The following CYP51A1 variants were observed in gnomAD, a reference collection of about 807,000 sequenced individuals.
CYP51A1 encodes the protein cytochrome P450 family 51 subfamily A member 1.
In CYP51A1, 45 loss-of-function variants were observed where a neutral mutation model predicts 53.5. The observed-to-expected ratio is 0.84, with a 90% CI of 0.66 to 1.08. The LOEUF is 1.08. CYP51A1 is among the 50% of genes least tolerant of loss of function. The pLI, the probability that CYP51A1 is intolerant of heterozygous loss-of-function variation, is 0.00. For missense variants in CYP51A1, 462 were observed against 621.7 expected, an observed-to-expected ratio of 0.74 and a Z score of 2.73; for synonymous variants, 181 against 217.7, an observed-to-expected ratio of 0.83 and a Z score of 1.48.
Position 92,131,820 on chromosome 7 carries a change from G to C in CYP51A1, c.245C>G (p.Ala82Gly). ...SPIPFLGHAI[A>G]FGKSPIEFLE... ...AAATTCAATTGGACTTTTCCCAAAT[G>C]CTATGGCATGCCCAAGGAATGGAAT... Residue 82 changes from alanine (A) to glycine (G), a missense_variant, in exon 2 of 10, where the codon GCA becomes GGA. By Grantham distance (60) the Ala-to-Gly change is moderately conservative. Transcript: ENST00000003100. 6.3e-7 allele frequency: 1 copy of C among 1,588,966 alleles called. No individual in the cohort carries two copies. The highest frequency in any genetic ancestry group is 8.6e-7 in the Non-Finnish European group (1 of 1,163,534).
At chr7:92,133,937 C>G (rs1440404397) in intron 1 of CYP51A1, among the ~76,000 whole-genome samples, 2 of 152,216 alleles carry the variant, frequency 1.3e-5, no homozygotes, top group Non-Finnish European at 1.5e-5. Context: ...GCACCGCCCC[C>G]CAACACAAGG....
rs145599211 is a variant in CYP51A1 at position 92,117,095 on chromosome 7, G to A, written c.1300C>T (p.Gln434Ter). ...TTTTCCCCTGATGCTGGGTTATCCT[G>A]TAAGTAGCGATCAGGATTAAAGTCC... is the stretch of plus-strand genomic sequence containing the variant. ...RLDFNPDRYL[Q>*]DNPASGEKFA... The change falls in exon 9 of 10, where the codon CAG becomes TAG. Residue 434 changes from glutamine (Q) to a stop codon, truncating the protein, a stop_gained. Coordinates refer to ENST00000003100, the MANE Select transcript of CYP51A1 (RefSeq NM_000786.4). LOFTEE classifies it high-confidence loss of function. The A allele has an allele frequency of 6.8e-6, 11 of 1,613,840 alleles. No homozygotes were observed. The highest frequency in any genetic ancestry group is 4.0e-5 in the African/African-American group (3 of 74,890).
At position 92,134,236 on chromosome 7, in the gene CYP51A1, G is replaced by A; in HGVS notation, c.129C>T (p.Thr43=). ...GACGGATCAGGTAGACCAGGCTGAGGGTGAAGGCGCAGGCGATCAGCAGCA... is the reference window on the plus strand; with the variant it reads ...GACGGATCAGGTAGACCAGGCTGAGAGTGAAGGCGCAGGCGATCAGCAGCA... ...LSMLLIACAF[T]LSLVYLIRLA... The change falls in exon 1 of 10, where the codon ACC becomes ACT. Residue 43 remains threonine, a synonymous_variant. Coordinates refer to ENST00000003100, the MANE Select transcript of CYP51A1 (RefSeq NM_000786.4). 1.9e-6 allele frequency: 3 copies of A among 1,613,460 alleles called. No homozygotes were observed. The highest frequency in any genetic ancestry group is 2.5e-6 in the Non-Finnish European group (3 of 1,179,758).
chr7:92,123,216 G>A lies in CYP51A1; in HGVS notation c.990C>T (p.Gly330=), dbSNP rs778279810. The change falls in exon 7 of 10, where the codon GGC becomes GGT. Residue 330 remains glycine, a synonymous_variant. Coordinates refer to ENST00000003100, the MANE Select transcript of CYP51A1 (RefSeq NM_000786.4). Reference sequence around the variant, plus strand: ...GTGTTTTGTCTCTGGCCAAAAAGAAGCCCATCCAAGCACTAGTAGTTGAGG... The same window carrying A: ...GTGTTTTGTCTCTGGCCAAAAAGAAACCCATCCAAGCACTAGTAGTTGAGG... ...HTSSTTSAWM[G]FFLARDKTLQ... 28 of 1,613,758 alleles carry A rather than the reference G, an allele frequency of 1.7e-5. 1 individual carries two copies. The highest frequency in any genetic ancestry group is 2.4e-5 in the Non-Finnish European group (28 of 1,179,850).
intron 2 of CYP51A1, among the ~76,000 whole-genome samples, chr7:92,131,573 C>A (rs147073608): frequency 2.0e-4 from 30 of 152,282 alleles, no homozygotes; most frequent in African/African-American, 7.2e-4. Context: ...AAGACGACCC[C>A]AGGACATGGG....
intron 9 of CYP51A1, among the ~76,000 whole-genome samples, chr7:92,115,051 C>G (rs1819556600): frequency 6.6e-6 from 1 of 152,106 alleles, no homozygotes; most frequent in Admixed American, 6.5e-5. Flanking sequence ...TTAATCGCAA[C>G]AAGCAAGAAG....
Position 92,131,837 on chromosome 7 carries a change from G to GA in CYP51A1, c.227dup (p.Leu77ProfsTer13), listed in dbSNP as rs1563182439. 1 of 1,599,514 alleles carries GA rather than the reference G, an allele frequency of 6.3e-7. No individual in the cohort carries two copies. The highest frequency in any genetic ancestry group is 8.6e-7 in the Non-Finnish European group (1 of 1,169,108). On this transcript the variant is annotated frameshift_variant, in exon 2 of 10. Transcript: ENST00000003100. LOFTEE classifies it high-confidence loss of function. Reference sequence around the variant, plus strand: ...TCCCAAATGCTATGGCATGCCCAAGGAATGGAATTGGGGAGAAAATGTATG... The same window carrying GA: ...TCCCAAATGCTATGGCATGCCCAAGGAAATGGAATTGGGGAGAAAATGTATG...
At chr7:92,128,630 G>C (rs1230766625) in intron 3 of CYP51A1, among the ~76,000 whole-genome samples, 1 of 151,834 alleles carries the variant, frequency 6.6e-6, no homozygotes, top group East Asian at 1.9e-4. Context: ...ATTTACAGGT[G>C]TGCACCACCA....
At chr7:92,116,433 T>C (rs961046891) in intron 9 of CYP51A1, among the ~76,000 whole-genome samples, 2 of 152,212 alleles carry the variant, frequency 1.3e-5, no homozygotes, top group Non-Finnish European at 2.9e-5. Context: ...ATGATCCCTT[T>C]GGAAAGACTA....
In CYP51A1 at chr7:92,128,884, T is replaced by C. The variant is rs1396756852; in HGVS notation, c.464A>G (p.Asn155Ser). The stretch of plus-strand genomic sequence containing the variant: ...TATGGTAACAGTGTCACCTACTGGA[T>C]TAGGCACATCGTATGCAACTCCCTT... ...FGKGVAYDVP[N>S]PVFLEQKKML... Residue 155 changes from asparagine to serine, a missense_variant, in exon 3 of 10, where the codon AAT becomes AGT. Asn to Ser is a conservative substitution (Grantham distance 46). Coordinates refer to ENST00000003100, the MANE Select transcript of CYP51A1 (RefSeq NM_000786.4). The C allele has an allele frequency of 6.2e-7, 1 of 1,611,018 alleles. No homozygotes were observed. The highest frequency in any genetic ancestry group is 1.7e-5 in the Admixed American group (1 of 59,884).
rs140118347 is a variant in CYP51A1 at position 92,123,206 on chromosome 7, C to A, written c.1000G>T (p.Ala334Ser). 9.3e-6 allele frequency: 15 copies of A among 1,613,744 alleles called. No homozygotes were observed. Among genetic ancestry groups the A allele is most frequent in the Non-Finnish European group, 1.3e-5 (15 of 1,179,886 alleles). Residue 334 changes from alanine (A) to serine (S), a missense_variant, in exon 7 of 10, where the codon GCC becomes TCC. Coordinates refer to ENST00000003100, the MANE Select transcript of CYP51A1 (RefSeq NM_000786.4). ...TTSAWMGFFL[A>S]RDKTLQKKCY... The stretch of plus-strand genomic sequence containing the variant: ...TTTTTTTGAAGTGTTTTGTCTCTGG[C>A]CAAAAAGAAGCCCATCCAAGCACTA...
intron 3 of CYP51A1, among the ~76,000 whole-genome samples, chr7:92,128,022 T>C (rs1034400385): frequency 1.3e-5 from 2 of 152,214 alleles, no homozygotes; most frequent in Non-Finnish European, 2.9e-5. Context: ...GTGTTCTATA[T>C]CAACTTAAAA....
chr7:92,123,799 C>A lies in CYP51A1; in HGVS notation c.825G>T (p.Gln275His). 1 of 1,609,660 alleles carries A rather than the reference C, an allele frequency of 6.2e-7. No individual in the cohort carries two copies. The highest frequency in any genetic ancestry group is 8.5e-7 in the Non-Finnish European group (1 of 1,177,676). Residue 275 changes from glutamine (Q) to histidine (H), a missense_variant, in exon 6 of 10, where the codon CAG (glutamine) becomes CAT (histidine). Physicochemically the swap from Gln to His is conservative, Grantham distance 24 (BLOSUM62 0). Transcript: ENST00000003100. Reference protein sequence around the residue: ...EIKDIFYKAIQKRRQSQEKID... With the variant: ...EIKDIFYKAIHKRRQSQEKID... Reference sequence around the variant, plus strand: ...TTTTTTCTTGAGACTGTCTGCGTTTCTGGATTGCCTTATAGAAAATATCCT... The same window carrying A: ...TTTTTTCTTGAGACTGTCTGCGTTTATGGATTGCCTTATAGAAAATATCCT...
At chr7:92,117,960 C>T (rs1239245269) in intron 8 of CYP51A1, among the ~76,000 whole-genome samples, 2 of 149,880 alleles carry the variant, frequency 1.3e-5, no homozygotes, top group South Asian at 4.3e-4. Context: ...TGCACTCCAG[C>T]CTGGGCAACA....
At position 92,123,680 on chromosome 7, in the gene CYP51A1, T is replaced by G. The variant is rs1819736995; in HGVS notation, c.890+54A>C. On this transcript the variant is annotated intron_variant, in intron 6 of 9. Coordinates refer to ENST00000003100, the MANE Select transcript of CYP51A1 (RefSeq NM_000786.4). Reference sequence around the variant, plus strand: ...TAACTGGAAATACTATTTAACTGTGTTTTAATGTGTAATTTCCTGCTTCAG... The same window carrying G: ...TAACTGGAAATACTATTTAACTGTGGTTTAATGTGTAATTTCCTGCTTCAG... The G allele has an allele frequency of 2.0e-6, 3 of 1,509,818 alleles. No individual in the cohort carries two copies. In the South Asian group the frequency reaches 3.8e-5, roughly 19 times the overall value. The allele number at this position is 1,509,818 out of a possible 1,614,324, so 93.5% of individuals were successfully genotyped here.
rs1336561849 is a variant in CYP51A1 at position 92,127,695 on chromosome 7, A to G, written c.469-64T>C. 5 of 1,523,542 alleles carry G rather than the reference A, an allele frequency of 3.3e-6. No individual in the cohort carries two copies. The East Asian group carries it at 1.1e-4, about 35-fold the overall frequency. 94.4% of individuals were successfully genotyped at this position (1,523,542 alleles called of 1,614,324 possible). On this transcript the variant is annotated intron_variant, in intron 3 of 9. Coordinates refer to ENST00000003100, the MANE Select transcript of CYP51A1 (RefSeq NM_000786.4). ...ACATTTTTGTTTTATCATAAAATCC[A>G]TTTAGGTTATTATAATTATGTAACA...
intron 8 of CYP51A1, 23 bp from the exon 9 acceptor site, chr7:92,117,235 TCATTA>T: frequency 6.3e-7 from 1 of 1,595,604 alleles, no homozygotes; most frequent in South Asian, 1.1e-5. Context: ...GCCACACATT[TCATTA>T]GAGAATTTAA....
chr7:92,116,567 A>G (rs929727830), intron 9 of CYP51A1, among the ~76,000 whole-genome samples: 1 of 152,216 alleles, frequency 6.6e-6, no homozygotes, highest in Non-Finnish European at 1.5e-5. Context: ...CCTACACACA[A>G]CCTGCCCAAA....
At position 92,126,236 on chromosome 7, in the gene CYP51A1, A is replaced by G; in HGVS notation, c.770+17T>C. On this transcript the variant is annotated intron_variant, in intron 5 of 9. Coordinates refer to ENST00000003100, the MANE Select transcript of CYP51A1 (RefSeq NM_000786.4). ...ACAAAGTTAAATAACCTAGTGTAATATATTCTTTATCCATACCTGAAACTA... is the reference window on the plus strand; with the variant it reads ...ACAAAGTTAAATAACCTAGTGTAATGTATTCTTTATCCATACCTGAAACTA... The G allele has an allele frequency of 1.9e-6, 3 of 1,566,266 alleles. No homozygotes were observed. Among genetic ancestry groups the G allele is most frequent in the Non-Finnish European group, 2.6e-6 (3 of 1,158,476 alleles).
Sources: gnomAD v4.1 joint callset for allele counts (sites outside exome capture counted in the v4.1 genomes callset) on GRCh38, gnomAD v4.1.1 for gene constraint, MANE v1.5 for transcripts, NCBI Gene and HGNC (gene_info 2026-07-23, HGNC 2026-07-21) for gene names.